ACOX1: variants seen among roughly 807,000 people sequenced by gnomAD.
ACOX1 encodes peroxisomal acyl-coenzyme A oxidase 1.
ACOX1 carries 41 observed loss-of-function variants against 75.5 expected under a neutral mutation model. The ratio of observed to expected loss-of-function variants is 0.54; its 90% CI spans 0.42 to 0.70. The LOEUF is 0.70. ACOX1 is among the 30% of genes least tolerant of loss of function. The pLI is 0.00. For synonymous variants in ACOX1, 303 were observed against 298.8 expected (o/e 1.01, Z -0.15); for missense variants, 630 against 837.5 (o/e 0.75, Z 3.06).
In ACOX1 at chr17:75,955,480, G is replaced by A. The variant is rs1418909973; in HGVS notation, c.774+86C>T. ...GCCCTGCTGTTATTACCTTCTAAAA[G>A]AACAGACCATTCTAACCCTATTGTG... is the stretch of plus-strand genomic sequence containing the variant. On this transcript the variant is annotated intron_variant, in intron 6 of 13. Coordinates refer to ENST00000293217, the MANE Select transcript of ACOX1 (RefSeq NM_004035.7). 6 of 1,135,520 alleles carry A rather than the reference G, an allele frequency of 5.3e-6. No individual in the cohort carries two copies. In the East Asian group the frequency reaches 1.2e-4, roughly 23 times the overall value. 70.3% of individuals were successfully genotyped at this position (1,135,520 alleles called of 1,614,324 possible).
intron 6 of ACOX1, 59 bp downstream of exon 6, chr17:75,955,507 G>C (rs2065815844): frequency 7.3e-7 from 1 of 1,374,712 alleles, no homozygotes; most frequent in South Asian, 1.2e-5. Context: ...CCTATTGTGA[G>C]TAACAGCCAC....
chr17:75,973,025 G>A (rs1030723274), intron 2 of ACOX1, among the ~76,000 whole-genome samples: 2 of 152,102 alleles, frequency 1.3e-5, no homozygotes, highest in South Asian at 4.1e-4. Flanking sequence ...AAGATCAAAA[G>A]CAAAACTTTT....
At chr17:75,975,035 G>A (rs1213828991) in intron 2 of ACOX1, among the ~76,000 whole-genome samples, 1 of 118,180 alleles carries the variant, frequency 8.5e-6, no homozygotes, top group Non-Finnish European at 1.6e-5. Flanking sequence ...GGGCGACAGA[G>A]CGAGACTCTG....
intron 13 of ACOX1, 80 bp from the exon 14 acceptor site, chr17:75,946,875 TG>T (rs1034074793): frequency 2.8e-5 from 39 of 1,409,354 alleles, no homozygotes; most frequent in Non-Finnish European, 3.7e-5. Flanking sequence ...TTTTTGTTTT[TG>T]TTTTTTTTTT....
chr17:75,968,435 C>CAAAAAAAAA lies in ACOX1; in HGVS notation c.270-8069_270-8061dup, dbSNP rs55909021. Among the ~76,000 whole-genome samples the CAAAAAAAAA allele has an allele frequency of 1.2e-3, 26 of 21,002 alleles. 1 individual carries two copies. Among genetic ancestry groups the CAAAAAAAAA allele is most frequent in the African/African-American group, 2.7e-3 (7 of 2,630 alleles). The allele number at this position is 21,002 out of a possible 152,430, so 13.8% of individuals were successfully genotyped here. A position where few individuals can be genotyped will look rare whatever the true frequency, so the allele number is the denominator to read the frequency against. ...TGGGCGACAGAGCGAGACTCCGTCT[C>CAAAAAAAAA]AAAAAAAAAAAAAAAAAAAAGTTAG... is the stretch of plus-strand genomic sequence containing the variant. On this transcript the variant is annotated intron_variant, in intron 2 of 13. Coordinates refer to ENST00000293217, the MANE Select transcript of ACOX1 (RefSeq NM_004035.7).
At chr17:75,967,662 A>G (rs368434156) in intron 2 of ACOX1, among the ~76,000 whole-genome samples, 1,951 of 98,128 alleles carry the variant, frequency 0.02, 73 homozygotes, top group East Asian at 0.092. Flanking sequence ...ATATACATAC[A>G]TATATATACA....
chr17:75,949,642 G>C (rs371908627), intron 10 of ACOX1, 42 bp from the exon 11 acceptor site: 1 of 1,612,472 alleles, frequency 6.2e-7, no homozygotes, highest in African/African-American at 1.3e-5. Context: ...ATGATCAACA[G>C]TACTCATGCC....
At chr17:75,963,907 G>A (rs984683958) in intron 2 of ACOX1, among the ~76,000 whole-genome samples, 1 of 150,994 alleles carries the variant, frequency 6.6e-6, no homozygotes, top group Non-Finnish European at 1.5e-5. Flanking sequence ...AAAAAGGCCA[G>A]GCACGGTGGC....
chr17:75,963,946 G>T (rs1234837109), intron 2 of ACOX1, among the ~76,000 whole-genome samples: 3 of 151,682 alleles, frequency 2.0e-5, no homozygotes, highest in Non-Finnish European at 4.4e-5. Flanking sequence ...TACTTTGGGG[G>T]GCCAAGGTGG....
intron 2 of ACOX1, among the ~76,000 whole-genome samples, chr17:75,975,554 CA>C (rs1337214298): frequency 6.6e-6 from 1 of 152,200 alleles, no homozygotes; most frequent in Non-Finnish European, 1.5e-5. Flanking sequence ...TCTAATTAAT[CA>C]AAATGAATTA....
intron 2 of ACOX1, among the ~76,000 whole-genome samples, chr17:75,969,293 A>G (rs1348096739): frequency 6.6e-6 from 1 of 152,086 alleles, no homozygotes; most frequent in East Asian, 1.9e-4. Context: ...CAGCCTCCCT[A>G]GTAGCTGGGA....
In ACOX1 at chr17:75,960,508, G is replaced by C; in HGVS notation, c.270-133C>G. The C allele has an allele frequency of 1.1e-6, 1 of 869,900 alleles. No homozygotes were observed. The highest frequency in any genetic ancestry group is 1.9e-6 in the Non-Finnish European group (1 of 539,238). 53.9% of individuals were successfully genotyped at this position (869,900 alleles called of 1,614,324 possible). A position where few individuals can be genotyped will look rare whatever the true frequency, so the allele number is the denominator to read the frequency against. On this transcript the variant is annotated intron_variant, in intron 2 of 13. Transcript: ENST00000293217. The surrounding 1 kb of genome is among the most constrained non-coding windows in gnomAD (Gnocchi z 4.4). ...AATTAGTTGCGTGCACTTAATCATA[G>C]ATGGGAGCACTGTCCCTTTCTGTAT...
chr17:75,967,620 A>ATATATATACACATACATATATATACG (rs1491445873), intron 2 of ACOX1, among the ~76,000 whole-genome samples: 2 of 91,924 alleles, frequency 2.2e-5, no homozygotes, highest in South Asian at 5.6e-4. Flanking sequence ...ATATACATAC[A>ATATATATACACATACATATATATACG]TATATATATA....
At chr17:75,956,401 TTCGGGTCAGCCGGGCACGGTGGC>T (rs1326107272) in intron 4 of ACOX1, among the ~76,000 whole-genome samples, 2 of 152,068 alleles carry the variant, frequency 1.3e-5, no homozygotes, top group Non-Finnish European at 2.9e-5. Flanking sequence ...ATATAAAAGT[TTCGGGTCAGCCGGGCACGGTGGC>T]TCGCGCCTGT....
intron 4 of ACOX1, among the ~76,000 whole-genome samples, chr17:75,956,967 CTCTCTATATATATATATATATATATATA>C (rs2065836525): frequency 1.8e-4 from 2 of 11,060 alleles, no homozygotes; most frequent in East Asian, 2.5e-3. Flanking sequence ...CTCTCTCTCT[CTCTCTATATATATATATATATATATATA>C]TATATATATA....
Position 75,978,912 on chromosome 17 carries a change from G to A in ACOX1, c.109+53C>T, listed in dbSNP as rs1488939149. ...ACAGCGCCCCTGACTCCGCATCGAG[G>A]GAGTCTCCAGCTTTTCTCGGGAAAG... On this transcript the variant is annotated intron_variant, in intron 1 of 13. Transcript: ENST00000293217. This position sits in a 1 kb window ranked among gnomAD's most constrained non-coding sequence, Gnocchi z 4.2. The A allele has an allele frequency of 6.2e-7, 1 of 1,604,194 alleles. No homozygotes were observed. The highest frequency in any genetic ancestry group is 8.5e-7 in the Non-Finnish European group (1 of 1,178,736).
rs2065695238 is a variant in ACOX1 at position 75,943,728 on chromosome 17, TG to T, written c.*3019del. On this transcript the variant is annotated 3_prime_UTR_variant, in exon 14 of 14. Transcript: ENST00000293217. ...AAGAACATGAGGGCCCCAAAGCCTG[TG>T]TCATCAACTCTGCTTTGAGGTCACT... 1.3e-5 allele frequency: 2 copies of T among 152,232 alleles called. No individual in the cohort carries two copies. Among genetic ancestry groups the T allele is most frequent in the African/African-American group, 4.8e-5 (2 of 41,470 alleles). The allele number at this position is 152,232 out of a possible 1,614,324, so 9.4% of individuals were successfully genotyped here.
At chr17:75,957,434 A>C in intron 4 of ACOX1, 25 bp downstream of exon 4, 1 of 1,577,256 alleles carries the variant, frequency 6.3e-7, no homozygotes, top group Non-Finnish European at 8.7e-7. Context: ...CAAAACATCC[A>C]ATAAATGCTG....
In ACOX1 at chr17:75,950,793, T is replaced by C; in HGVS notation, c.1279A>G (p.Met427Val). The change falls in exon 9 of 14, where the codon ATG becomes GTG. Residue 427 changes from methionine (M) to valine (V), a missense_variant. Physicochemically the swap from Met to Val is conservative, Grantham distance 21. Around this residue, in one of 2 missense-constraint regions of ACOX1, gnomAD observed 390 missense variants for 574.9 expected, o/e 0.68. Coordinates refer to ENST00000293217, the MANE Select transcript of ACOX1 (RefSeq NM_004035.7). The surrounding 1 kb of genome is among the most constrained non-coding windows in gnomAD (Gnocchi z 4.3). ...SCTFEGENTV[M>V]MLQTARFLMK... ...TCTCACCTAGCCGTCTGGAGCATCA[T>C]GACAGTGTTTTCTCCCTCAAAGGTA... The C allele has an allele frequency of 6.2e-7, 1 of 1,614,136 alleles. No individual in the cohort carries two copies. Among genetic ancestry groups the C allele is most frequent in the Non-Finnish European group, 8.5e-7 (1 of 1,180,004 alleles).
Sources: allele counts gnomAD v4.1 joint callset (sites outside exome capture counted in the v4.1 genomes callset), GRCh38; gene constraint gnomAD v4.1.1; regional missense constraint gnomAD v4.1.1; non-coding constraint Gnocchi (gnomAD v3.1); transcripts MANE v1.5; gene names NCBI Gene and HGNC (gene_info 2026-07-23, HGNC 2026-07-21).